The following NR6A1 variants were observed in gnomAD, a reference collection of about 807,000 sequenced individuals.
NR6A1 encodes nuclear receptor subfamily 6 group A member 1, also known as retinoic acid receptor-related testis-associated receptor.
NR6A1 carries 7 observed loss-of-function variants against 59.1 expected under a neutral mutation model. The ratio of observed to expected loss-of-function variants is 0.12; its 90% confidence interval spans 0.07 to 0.22. The LOEUF (loss-of-function observed/expected upper bound fraction) is 0.22, where lower values mean the gene tolerates loss of function less well. NR6A1 is among the 10% of genes least tolerant of loss of function. The pLI, the probability that NR6A1 is intolerant of heterozygous loss-of-function variation, is 1.00. For missense variants in NR6A1, 468 were observed against 611.6 expected, an observed-to-expected ratio of 0.77 and a Z score of 2.48; for synonymous variants, 243 against 236.1, an observed-to-expected ratio of 1.03 and a Z score of -0.27.
intron 2 of NR6A1, among the ~76,000 whole-genome samples, chr9:124,566,242 A>G (rs1244793697): frequency 3.9e-5 from 6 of 152,224 alleles, no homozygotes; most frequent in Admixed American, 3.9e-4. Context: ...CAAAGAAGGG[A>G]AAGAGACATA....
intron 7 of NR6A1, among the ~76,000 whole-genome samples, chr9:124,530,108 A>T (rs1260273447): frequency 6.6e-6 from 1 of 152,160 alleles, no homozygotes; most frequent in Non-Finnish European, 1.5e-5. Flanking sequence ...CCTAGCCAGG[A>T]GTGCCAAACC....
chr9:124,522,518 G>T lies in NR6A1; in HGVS notation c.*187C>A. 2.2e-6 allele frequency: 1 copy of T among 461,140 alleles called. No homozygotes were observed. Among genetic ancestry groups the T allele is most frequent in the East Asian group, 3.6e-5 (1 of 27,816 alleles). The allele number at this position is 461,140 out of a possible 1,614,324, so 28.6% of individuals were successfully genotyped here. ...TGAAGGCCATACATTCAACTCTGTC[G>T]TGAAATAAATATATAGAAAAATGAG... On this transcript the variant is annotated 3_prime_UTR_variant, in exon 10 of 10. Transcript: ENST00000487099.
At chr9:124,588,929 A>G (rs1432101766) in intron 2 of NR6A1, among the ~76,000 whole-genome samples, 2 of 140,788 alleles carry the variant, frequency 1.4e-5, no homozygotes, top group Non-Finnish European at 3.0e-5. Flanking sequence ...CAAAAAAAAA[A>G]AAAAGAAAGA....
At chr9:124,741,659 G>A (rs1349931897) in intron 1 of NR6A1, among the ~76,000 whole-genome samples, 2 of 152,170 alleles carry the variant, frequency 1.3e-5, no homozygotes, top group Non-Finnish European at 2.9e-5. Flanking sequence ...GAAAAAAGTT[G>A]AAACAATATT....
At chr9:124,603,520 GGT>G (rs1280854414) in intron 2 of NR6A1, among the ~76,000 whole-genome samples, 1 of 152,160 alleles carries the variant, frequency 6.6e-6, no homozygotes, top group African/African-American at 2.4e-5. Context: ...ATGAAGGGCT[GGT>G]ACTGGTAGTC....
rs1299187446 is a variant in NR6A1, at chr9:124,521,030, A to G, written c.*1675T>C. 2 of 152,230 alleles carry G rather than the reference A, an allele frequency of 1.3e-5. No individual in the cohort carries two copies. The highest frequency in any genetic ancestry group is 4.8e-5 in the African/African-American group (2 of 41,476). 9.4% of individuals were successfully genotyped at this position (152,230 alleles called of 1,614,324 possible). On this transcript the variant is annotated 3_prime_UTR_variant, in exon 10 of 10. Transcript: ENST00000487099. Reference sequence around the variant, plus strand: ...CACACGACGTGGTGCCCTCCTGGGTAGCTTTACTAGGTTGAGTTGAGGAGA... The same window carrying G: ...CACACGACGTGGTGCCCTCCTGGGTGGCTTTACTAGGTTGAGTTGAGGAGA...
At chr9:124,595,489 A>G (rs1198781278) in intron 2 of NR6A1, among the ~76,000 whole-genome samples, 1 of 152,208 alleles carries the variant, frequency 6.6e-6, no homozygotes, top group Non-Finnish European at 1.5e-5. Flanking sequence ...TAAAATCACT[A>G]TAAAATTTAA....
Position 124,554,556 on chromosome 9 carries a change from C to T in NR6A1, c.157G>A (p.Asp53Asn), listed in dbSNP as rs1833875150. ...LDPGTISVSD[D>N]RAEQRTCLIC... ...AGACAGGTTCGTTGTTCAGCCCGATCATCTGAAACAGAAACTGATCATGTT... is the reference window on the plus strand; with the variant it reads ...AGACAGGTTCGTTGTTCAGCCCGATTATCTGAAACAGAAACTGATCATGTT... Residue 53 changes from aspartate to asparagine, a missense_variant, in exon 3 of 10, where the codon GAT (aspartate) becomes AAT (asparagine). Physicochemically the swap from Asp to Asn is conservative, Grantham distance 23 (BLOSUM62 1). Coordinates refer to ENST00000487099, the MANE Select transcript of NR6A1 (RefSeq NM_033334.4). The T allele has an allele frequency of 1.9e-6, 3 of 1,614,080 alleles. No individual in the cohort carries two copies. In the African/African-American group the frequency reaches 4.0e-5, roughly 22 times the overall value.
At chr9:124,609,335 A>G (rs1394477601) in intron 2 of NR6A1, among the ~76,000 whole-genome samples, 1 of 152,214 alleles carries the variant, frequency 6.6e-6, no homozygotes, top group East Asian at 1.9e-4. Flanking sequence ...ATGACTGGTC[A>G]GTTCTCCCAG....
In NR6A1 at chr9:124,612,798, T is replaced by TTTC. The variant is rs1254929368; in HGVS notation, c.143-58231_143-58229dup. ...TTTGGGTTTTTCTTTCTTTCTTTTC[T>TTTC]TTCTTTCTTTCTTTCTTTCTTTTCT... On this transcript the variant is annotated intron_variant, in intron 2 of 9. Transcript: ENST00000487099. 6.3e-4 allele frequency among the ~76,000 whole-genome samples: 89 copies of TTTC among 140,948 alleles called. 1 individual carries two copies. In the South Asian group the frequency reaches 0.019, roughly 29 times the overall value. The allele number at this position is 140,948 out of a possible 152,430, so 92.5% of individuals were successfully genotyped here. A position where few individuals can be genotyped will look rare whatever the true frequency, so the allele number is the denominator to read the frequency against.
chr9:124,605,837 C>T lies in NR6A1; in HGVS notation c.143-51267G>A, dbSNP rs762748993. 1.6e-4 allele frequency among the ~76,000 whole-genome samples: 24 copies of T among 152,178 alleles called. 1 individual carries two copies. Among genetic ancestry groups the T allele is most frequent in the Non-Finnish European group, 8.8e-5 (6 of 68,022 alleles). On this transcript the variant is annotated intron_variant, in intron 2 of 9. Transcript: ENST00000487099. ...TTTTATAAAAATTAAAGCACACAAA[C>T]AAATCTTGAATCCATCTATTTGTTT...
intron 2 of NR6A1, among the ~76,000 whole-genome samples, chr9:124,580,255 T>C (rs1834723484): frequency 1.3e-5 from 2 of 152,198 alleles, no homozygotes; most frequent in African/African-American, 4.8e-5. Flanking sequence ...AAACTATTAA[T>C]ACATATAACA....
chr9:124,748,138 A>G (rs545554234), intron 1 of NR6A1, among the ~76,000 whole-genome samples: 1 of 152,364 alleles, frequency 6.6e-6, no homozygotes, highest in East Asian at 1.9e-4. Flanking sequence ...ATATTAAGAT[A>G]TCAATAAAGT....
chr9:124,524,134 A>T (rs76912861), intron 9 of NR6A1, among the ~76,000 whole-genome samples: 1,650 of 152,172 alleles, frequency 0.011, 28 homozygotes, highest in African/African-American at 0.036. Context: ...CTTATTTTAA[A>T]TTTTTTAGAG....
At chr9:124,732,760 G>C (rs1326412438) in intron 2 of NR6A1, among the ~76,000 whole-genome samples, 1 of 150,606 alleles carries the variant, frequency 6.6e-6, no homozygotes, top group African/African-American at 2.4e-5. Context: ...GCAATGGCAT[G>C]TTCTTGGCTC....
At chr9:124,588,203 A>G (rs1834990950) in intron 2 of NR6A1, among the ~76,000 whole-genome samples, 1 of 152,168 alleles carries the variant, frequency 6.6e-6, no homozygotes, top group South Asian at 2.1e-4. Flanking sequence ...CTCGCATCAG[A>G]TTGGTAACCT....
intron 1 of NR6A1, among the ~76,000 whole-genome samples, chr9:124,752,072 C>T (rs1050025380): frequency 6.6e-6 from 1 of 152,188 alleles, no homozygotes; most frequent in Non-Finnish European, 1.5e-5. Flanking sequence ...AGCTCAAGAC[C>T]AGCCTGGCCA....
At chr9:124,634,102 T>C (rs961815123) in intron 2 of NR6A1, among the ~76,000 whole-genome samples, 7 of 152,226 alleles carry the variant, frequency 4.6e-5, no homozygotes, top group Admixed American at 3.9e-4. Context: ...CCTGTCATGA[T>C]AAATAATTAT....
chr9:124,626,390 A>G (rs1278406830), intron 2 of NR6A1, among the ~76,000 whole-genome samples: 2 of 152,206 alleles, frequency 1.3e-5, no homozygotes, highest in Non-Finnish European at 2.9e-5. Flanking sequence ...CCAGCCAGCC[A>G]GCCTCAAAGC....
Sources: allele counts gnomAD v4.1 joint callset (sites outside exome capture counted in the v4.1 genomes callset), GRCh38; gene constraint gnomAD v4.1.1; transcripts MANE v1.5; gene names NCBI Gene and HGNC (gene_info 2026-07-23, HGNC 2026-07-21).